The following ROBO1 variants were observed in gnomAD, a reference collection of about 807,000 sequenced individuals.
ROBO1 encodes the protein roundabout homolog 1.
A neutral mutation model predicts 195.9 loss-of-function variants in ROBO1; 149 were observed. The ratio of observed to expected loss-of-function variants is 0.76; its 90% CI spans 0.67 to 0.87. ROBO1 has a LOEUF of 0.87. Ranked by LOEUF, ROBO1 falls within the 40% of genes least tolerant of loss-of-function variation. The pLI, the probability that ROBO1 is intolerant of heterozygous loss-of-function variation, is 0.00. For missense variants in ROBO1, 1,933 were observed against 2,068.3 expected (o/e 0.93, Z 1.27); for synonymous variants, 816 against 733.2 (o/e 1.11, Z -1.82).
chr3:79,185,249 T>C (rs569127596), intron 2 of ROBO1, among the ~76,000 whole-genome samples: 6 of 152,268 alleles, frequency 3.9e-5, no homozygotes, highest in African/African-American at 1.4e-4. Flanking sequence ...TCTCCAGGTG[T>C]CTTTGAGTTT....
chr3:78,711,441 TTCC>T (rs2081738473), intron 8 of ROBO1, among the ~76,000 whole-genome samples: 2 of 75,698 alleles, frequency 2.6e-5, no homozygotes, highest in African/African-American at 9.5e-5. Context: ...CTTTCTTTCT[TTCC>T]TTCCTTCCTT....
intron 2 of ROBO1, among the ~76,000 whole-genome samples, chr3:79,181,464 A>T (rs1262647747): frequency 6.6e-6 from 1 of 152,312 alleles, no homozygotes; most frequent in East Asian, 1.9e-4. Context: ...ATGCTCACAA[A>T]TTCAAAGTGG....
At chr3:79,755,950 T>C (rs1362840050) in intron 1 of ROBO1, among the ~76,000 whole-genome samples, 1 of 152,242 alleles carries the variant, frequency 6.6e-6, no homozygotes, top group Non-Finnish European at 1.5e-5. Flanking sequence ...GAAGTCCTCC[T>C]GGGGTTTTAC....
intron 4 of ROBO1, among the ~76,000 whole-genome samples, chr3:78,898,968 G>A (rs1480973539): frequency 2.6e-5 from 4 of 152,226 alleles, no homozygotes; most frequent in East Asian, 1.9e-4. Context: ...GGTACCAACC[G>A]TGTATATAGC....
intron 1 of ROBO1, among the ~76,000 whole-genome samples, chr3:79,710,565 A>G (rs1255406379): frequency 6.6e-6 from 1 of 152,176 alleles, no homozygotes; most frequent in African/African-American, 2.4e-5. Flanking sequence ...ACTTTTAAAG[A>G]TACGGTTTGA....
chr3:79,725,279 T>A (rs1374625612), intron 1 of ROBO1, among the ~76,000 whole-genome samples: 2 of 137,212 alleles, frequency 1.5e-5, no homozygotes, highest in African/African-American at 5.5e-5. Flanking sequence ...CAGGCTGGAG[T>A]GCAGTGGCGC....
intron 8 of ROBO1, among the ~76,000 whole-genome samples, chr3:78,698,433 G>A (rs925754662): frequency 1.3e-5 from 2 of 152,136 alleles, no homozygotes; most frequent in Non-Finnish European, 2.9e-5. Context: ...ACAATAAAGA[G>A]ATAAAGGAGG....
intron 2 of ROBO1, among the ~76,000 whole-genome samples, chr3:79,195,969 G>T (rs1383799880): frequency 6.6e-6 from 1 of 151,486 alleles, no homozygotes; most frequent in Admixed American, 6.6e-5. Flanking sequence ...TTAATTAACA[G>T]ACACATTAAT....
At chr3:78,670,421 A>C in intron 10 of ROBO1, 120 bp from the exon 11 acceptor site, 1 of 799,078 alleles carries the variant, frequency 1.3e-6, no homozygotes, top group East Asian at 2.7e-5. Context: ...CAAGTAATTA[A>C]AGTAGCAGAC....
At chr3:78,659,079 A>G (rs1707218944) in intron 17 of ROBO1, among the ~76,000 whole-genome samples, 1 of 151,698 alleles carries the variant, frequency 6.6e-6, no homozygotes, top group Non-Finnish European at 1.5e-5. Flanking sequence ...CTTCTATAAC[A>G]TTCTATTTTT....
chr3:79,066,907 T>C (rs552675046), intron 3 of ROBO1, among the ~76,000 whole-genome samples: 2 of 152,004 alleles, frequency 1.3e-5, no homozygotes, highest in Admixed American at 6.6e-5. Context: ...TGAATGAAGG[T>C]AGTGAGTCAA....
At chr3:78,716,545 G>A (rs1356463400) in intron 7 of ROBO1, among the ~76,000 whole-genome samples, 1 of 152,166 alleles carries the variant, frequency 6.6e-6, no homozygotes, top group African/African-American at 2.4e-5. Flanking sequence ...GATTCAAGGT[G>A]TTGAAAGATT....
At chr3:79,147,543 C>T (rs2080678226) in intron 2 of ROBO1, among the ~76,000 whole-genome samples, 1 of 151,946 alleles carries the variant, frequency 6.6e-6, no homozygotes, top group South Asian at 2.1e-4. Context: ...TAATCCCATC[C>T]TTCAAATGAC....
rs1349943607 is a variant in ROBO1 at position 79,759,184 on chromosome 3, G to C, written c.-51+8568C>G. The stretch of plus-strand genomic sequence containing the variant: ...TTCTTACAGAATACTTTCTATGACT[G>C]CGTATAAGTAAGTGAAGTTGTTTTA... On this transcript the variant is annotated intron_variant, in intron 1 of 30. Transcript: ENST00000464233. 4.6e-5 allele frequency among the ~76,000 whole-genome samples: 7 copies of C among 152,286 alleles called. No individual in the cohort carries two copies. The East Asian group carries it at 1.4e-3, about 29-fold the overall frequency.
At chr3:79,169,863 T>A (rs754456915) in intron 2 of ROBO1, among the ~76,000 whole-genome samples, 5 of 151,978 alleles carry the variant, frequency 3.3e-5, no homozygotes, top group Non-Finnish European at 7.4e-5. Context: ...GGACATGGAG[T>A]ATATAAAAAT....
intron 2 of ROBO1, among the ~76,000 whole-genome samples, chr3:79,206,902 A>G (rs1576814314): frequency 6.6e-6 from 1 of 152,204 alleles, no homozygotes; most frequent in Non-Finnish European, 1.5e-5. Flanking sequence ...TACTTGATTC[A>G]TAAAATATGT....
intron 4 of ROBO1, among the ~76,000 whole-genome samples, chr3:78,761,047 C>T (rs929033152): frequency 1.3e-5 from 2 of 151,878 alleles, no homozygotes; most frequent in African/African-American, 2.4e-5. Flanking sequence ...GATTAAAGTA[C>T]AATCTTATAT....
intron 4 of ROBO1, among the ~76,000 whole-genome samples, chr3:78,842,579 A>ATT (rs1206533518): frequency 1.1e-5 from 1 of 90,856 alleles, no homozygotes; most frequent in African/African-American, 4.0e-5. Flanking sequence ...CCATTTATAT[A>ATT]TTTATATATG....
intron 1 of ROBO1, among the ~76,000 whole-genome samples, chr3:79,605,057 A>G (rs577665435): frequency 1.3e-5 from 2 of 152,014 alleles, no homozygotes; most frequent in East Asian, 1.9e-4. Context: ...TTTTGCTCCC[A>G]TAACTGCACT....
Sources: gnomAD v4.1 joint callset for allele counts (sites outside exome capture counted in the v4.1 genomes callset) on GRCh38, gnomAD v4.1.1 for gene constraint, MANE v1.5 for transcripts, NCBI Gene and HGNC (gene_info 2026-07-23, HGNC 2026-07-21) for gene names.